Variants in PDE11A observed in about 807,000 individuals in gnomAD.
PDE11A encodes the protein dual 3',5'-cyclic-AMP and -GMP phosphodiesterase 11A.
A neutral mutation model predicts 100.5 loss-of-function variants in PDE11A; 100 were observed. The ratio of observed to expected loss-of-function variants is 1.00; its 90% confidence interval spans 0.85 to 1.18. The LOEUF (loss-of-function observed/expected upper bound fraction) is 1.18, where lower values mean the gene tolerates loss of function less well. PDE11A is among the 50% of genes most tolerant of loss of function. PDE11A has a pLI of 0.00. For synonymous variants in PDE11A, 381 were observed against 420.8 expected (o/e 0.91, Z 1.16); for missense variants, 1,141 against 1,152.6 (o/e 0.99, Z 0.15).
At chr2:177,826,208 A>G (rs1370742163) in intron 6 of PDE11A, among the ~76,000 whole-genome samples, 1 of 152,190 alleles carries the variant, frequency 6.6e-6, no homozygotes, top group East Asian at 1.9e-4. Context: ...TTCTGTCCTC[A>G]TGGGGCCTTT....
chr2:177,879,118 G>T (rs941826067), intron 4 of PDE11A, among the ~76,000 whole-genome samples: 2 of 152,070 alleles, frequency 1.3e-5, no homozygotes, highest in African/African-American at 4.8e-5. Context: ...AATTTACAGC[G>T]TGGTAAGAGT....
At chr2:177,799,576 C>T (rs1288302795) in intron 9 of PDE11A, among the ~76,000 whole-genome samples, 2 of 152,102 alleles carry the variant, frequency 1.3e-5, no homozygotes, top group African/African-American at 4.8e-5. Flanking sequence ...AACTGATAAC[C>T]TACTACTAGA....
At chr2:178,066,057 G>A (rs144115718) in intron 1 of PDE11A, among the ~76,000 whole-genome samples, 68 of 151,986 alleles carry the variant, frequency 4.5e-4, no homozygotes, top group African/African-American at 1.6e-3. Context: ...TCTCTTCAAG[G>A]ATAAGGCACT....
chr2:177,818,250 ATG>A (rs1161203555), intron 7 of PDE11A, among the ~76,000 whole-genome samples: 1 of 146,702 alleles, frequency 6.8e-6, no homozygotes, highest in Non-Finnish European at 1.5e-5. Context: ...GTAGCTGAAT[ATG>A]TGTGTGTATT....
intron 1 of PDE11A, among the ~76,000 whole-genome samples, chr2:178,053,013 A>C (rs2086848704): frequency 6.6e-6 from 1 of 152,332 alleles, no homozygotes; most frequent in Admixed American, 6.5e-5. Context: ...AACTCATTTT[A>C]TGAGGCCAGC....
intron 2 of PDE11A, among the ~76,000 whole-genome samples, chr2:178,086,480 C>A (rs1179408182): frequency 2.0e-5 from 3 of 152,096 alleles, no homozygotes; most frequent in Non-Finnish European, 4.4e-5. Context: ...CTGTAACAGA[C>A]CACATTCTTA....
chr2:177,709,298 C>T (rs73028314), intron 13 of PDE11A, among the ~76,000 whole-genome samples: 1,701 of 152,264 alleles, frequency 0.011, 35 homozygotes, highest in African/African-American at 0.039. Flanking sequence ...CAAGCAGCCT[C>T]GGGAGGAGAG....
At chr2:177,743,843 GC>G (rs1356369593) in intron 10 of PDE11A, among the ~76,000 whole-genome samples, 1 of 152,196 alleles carries the variant, frequency 6.6e-6, no homozygotes, top group Non-Finnish European at 1.5e-5. Context: ...ATTGAATGGG[GC>G]TATGGATGAA....
chr2:177,904,556 CTTTTT>C (rs11333208), intron 3 of PDE11A, among the ~76,000 whole-genome samples: 1 of 133,110 alleles, frequency 7.5e-6, no homozygotes, highest in Non-Finnish European at 1.6e-5. Flanking sequence ...TATTAATCTC[CTTTTT>C]TTTTTTTTTT....
chr2:177,952,377 A>G (rs1490840909), intron 2 of PDE11A, among the ~76,000 whole-genome samples: 1 of 152,212 alleles, frequency 6.6e-6, no homozygotes, highest in Non-Finnish European at 1.5e-5. Flanking sequence ...ACTGTAAATC[A>G]AAGTGCCTCC....
intron 7 of PDE11A, among the ~76,000 whole-genome samples, chr2:177,818,423 T>A (rs573274945): frequency 3.1e-4 from 47 of 151,970 alleles, no homozygotes; most frequent in Admixed American, 1.7e-3. Context: ...AAATTTCAAC[T>A]CCACCATCAG....
chr2:177,722,144 A>G lies in PDE11A; in HGVS notation c.2043+5514T>C, dbSNP rs981722139. Among the ~76,000 whole-genome samples the G allele has an allele frequency of 3.3e-5, 5 of 152,264 alleles. No individual in the cohort carries two copies. The East Asian group carries it at 7.7e-4, about 24-fold the overall frequency. On this transcript the variant is annotated intron_variant, in intron 12 of 19. Coordinates refer to ENST00000286063, the MANE Select transcript of PDE11A (RefSeq NM_016953.4). ...AAGAATAAATTCACTTTAATCAAAAATCCTATATTGTAACTAGGCAGCCCC... is the reference window on the plus strand; with the variant it reads ...AAGAATAAATTCACTTTAATCAAAAGTCCTATATTGTAACTAGGCAGCCCC...
At chr2:177,813,233 G>A (rs1394370617) in intron 9 of PDE11A, among the ~76,000 whole-genome samples, 1 of 152,172 alleles carries the variant, frequency 6.6e-6, no homozygotes, top group African/African-American at 2.4e-5. Context: ...GGACCAGCCT[G>A]CTCCTTTCTT....
intron 10 of PDE11A, among the ~76,000 whole-genome samples, chr2:177,756,147 GT>G (rs2082087451): frequency 6.6e-6 from 1 of 152,186 alleles, no homozygotes; most frequent in Admixed American, 6.5e-5. Context: ...AAGAGTTCCT[GT>G]TGGGAGAGAA....
chr2:178,043,649 A>G (rs2086710240), intron 1 of PDE11A, among the ~76,000 whole-genome samples: 1 of 152,214 alleles, frequency 6.6e-6, no homozygotes, highest in South Asian at 2.1e-4. Flanking sequence ...AATAGCAATG[A>G]TGGCTATCAT....
chr2:178,076,636 G>A (rs748821826), upstream of PDE11A, among the ~76,000 whole-genome samples: 18 of 152,034 alleles, frequency 1.2e-4, no homozygotes, highest in African/African-American at 1.7e-4. Context: ...CTAATTATTC[G>A]TCTCCTAAAA....
At chr2:178,005,657 G>C (rs1200367598) in intron 2 of PDE11A, among the ~76,000 whole-genome samples, 1 of 152,170 alleles carries the variant, frequency 6.6e-6, no homozygotes, top group Non-Finnish European at 1.5e-5. Flanking sequence ...ACATAATACT[G>C]TCTACTAAGT....
intron 12 of PDE11A, among the ~76,000 whole-genome samples, chr2:177,719,084 A>G (rs886668403): frequency 5.3e-5 from 8 of 152,296 alleles, no homozygotes; most frequent in Admixed American, 4.6e-4. Flanking sequence ...CAGAACTGGT[A>G]GGAATGTCCA....
At chr2:177,857,626 C>T (rs1480140334) in intron 5 of PDE11A, among the ~76,000 whole-genome samples, 1 of 151,832 alleles carries the variant, frequency 6.6e-6, no homozygotes, top group African/African-American at 2.4e-5. Context: ...TAGGGGAATA[C>T]AAAGGACAGA....
Sources: gnomAD v4.1 joint callset for allele counts (sites outside exome capture counted in the v4.1 genomes callset) on GRCh38, gnomAD v4.1.1 for gene constraint, MANE v1.5 for transcripts, NCBI Gene and HGNC (gene_info 2026-07-23, HGNC 2026-07-21) for gene names.